Variants in TKTL1 observed in about 807,000 individuals in gnomAD.
TKTL1 encodes transketolase like 1.
Under a neutral mutation model 39.3 loss-of-function variants are expected in TKTL1, and 1 was observed. The observed-to-expected ratio is 0.03, with a 90% CI of 0.01 to 0.12. The LOEUF (loss-of-function observed/expected upper bound fraction) is 0.12. Among genes scored for constraint, TKTL1 ranks in the 10% least tolerant of loss-of-function variants. The pLI, the probability that TKTL1 is intolerant of heterozygous loss-of-function variation, is 1.00. For missense variants in TKTL1, 575 were observed against 509.6 expected, an observed-to-expected ratio of 1.13 and a Z score of -1.24; for synonymous variants, 262 against 193.8, an observed-to-expected ratio of 1.35 and a Z score of -2.92.
intron 2 of TKTL1, among the ~76,000 whole-genome samples, chrX:154,308,643 T>A (rs2067333014): frequency 1.8e-5 from 2 of 110,973 alleles, no homozygotes; most frequent in South Asian, 7.5e-4. Context: ...TCAGTATGCT[T>A]GCAAGTTGGG....
Position 154,315,219 on chromosome X carries a change from A to T in TKTL1, c.911A>T (p.Tyr304Phe). 5 of 1,211,778 alleles carry T rather than the reference A, an allele frequency of 4.1e-6. No homozygotes were observed. Among genetic ancestry groups the T allele is most frequent in the Non-Finnish European group, 4.5e-6 (4 of 895,451 alleles). The change falls in exon 7 of 13, where the codon TAC becomes TTC. Residue 304 changes from tyrosine to phenylalanine, a missense_variant. Physicochemically the swap from Tyr to Phe is conservative, Grantham distance 22 (BLOSUM62 3). Transcript: ENST00000369915. The stretch of plus-strand genomic sequence containing the variant: ...GGTCTGGCTCTGGCTAAGCTGGGCT[A>T]CGCGAACAACAGAGTCGTTGTGCTG... Reference protein sequence around the residue: ...ACGLALAKLGYANNRVVVLDG... With the variant: ...ACGLALAKLGFANNRVVVLDG...
chrX:154,300,125 C>T (rs2067262016), intron 1 of TKTL1, among the ~76,000 whole-genome samples: 1 of 109,131 alleles, frequency 9.2e-6, no homozygotes, highest in Non-Finnish European at 1.9e-5. Context: ...AAGCGATTCT[C>T]GTGCCTTAGC....
At chrX:154,318,512 A>G (rs1557169869) in intron 7 of TKTL1, among the ~76,000 whole-genome samples, 1 of 105,873 alleles carries the variant, frequency 9.4e-6, no homozygotes, top group Non-Finnish European at 1.9e-5. Context: ...ATCCTGGCTA[A>G]CATGGTGAAA....
chrX:154,317,608 G>C (rs184037451), intron 7 of TKTL1, among the ~76,000 whole-genome samples: 1 of 112,817 alleles, frequency 8.9e-6, no homozygotes, highest in African/African-American at 3.2e-5. Context: ...GAAAGCAACA[G>C]CCTGCGTTTT....
intron 3 of TKTL1, 118 bp downstream of exon 3, chrX:154,309,560 C>T: frequency 1.6e-6 from 1 of 629,360 alleles, no homozygotes; most frequent in Non-Finnish European, 2.5e-6. Context: ...CAGTCCCCAT[C>T]ACATCCCGTG....
chrX:154,324,950 G>A (rs1456617512), intron 9 of TKTL1, among the ~76,000 whole-genome samples: 2 of 112,237 alleles, frequency 1.8e-5, no homozygotes, highest in African/African-American at 3.2e-5. Flanking sequence ...TATTCAGATA[G>A]ATGTTTATGG....
At chrX:154,296,669 A>G (rs1557164639) in intron 1 of TKTL1, among the ~76,000 whole-genome samples, 1 of 111,053 alleles carries the variant, frequency 9.0e-6, no homozygotes, top group African/African-American at 3.3e-5. Flanking sequence ...TGGTTTTGGT[A>G]TCAAAGTGTA....
At chrX:154,304,551 A>G (rs1199110702) in intron 1 of TKTL1, among the ~76,000 whole-genome samples, 1 of 109,519 alleles carries the variant, frequency 9.1e-6, no homozygotes, top group Non-Finnish European at 1.9e-5. Flanking sequence ...AGCTATGATC[A>G]TGCCACTGCA....
intron 1 of TKTL1, among the ~76,000 whole-genome samples, chrX:154,296,887 G>A (rs972240225): frequency 3.2e-4 from 36 of 111,793 alleles, no homozygotes; most frequent in African/African-American, 9.8e-4. Context: ...GTGGTGGCAC[G>A]TGCCTGTAGT....
At chrX:154,319,632 G>T (rs185649336) in intron 7 of TKTL1, among the ~76,000 whole-genome samples, 1 of 110,477 alleles carries the variant, frequency 9.1e-6, no homozygotes, top group Non-Finnish European at 1.9e-5. Context: ...CCAGCTACTC[G>T]GGAGGCAGAG....
intron 1 of TKTL1, chrX:154,305,065 C>G: frequency 8.9e-6 from 10 of 1,125,435 alleles, no homozygotes; most frequent in Non-Finnish European, 1.2e-5. Context: ...GGAAACTTGC[C>G]CCGAGTCCAC....
intron 6 of TKTL1, among the ~76,000 whole-genome samples, chrX:154,314,844 A>G (rs1338243648): frequency 9.0e-6 from 1 of 110,781 alleles, no homozygotes; most frequent in African/African-American, 3.3e-5. Flanking sequence ...GAAAAATATA[A>G]TGAGAACCAT....
At chrX:154,322,229 C>CAA (rs34229834) in intron 8 of TKTL1, among the ~76,000 whole-genome samples, 453 of 41,714 alleles carry the variant, frequency 0.011, 10 homozygotes, top group Middle Eastern at 0.022. Flanking sequence ...GAGGCTTTGT[C>CAA]AAAAAAAAAA....
chrX:154,323,977 C>T (rs1224536645), intron 9 of TKTL1, among the ~76,000 whole-genome samples: 1 of 112,838 alleles, frequency 8.9e-6, no homozygotes, highest in Non-Finnish European at 1.9e-5. Flanking sequence ...CCTTGCCACC[C>T]TGGACCTCGC....
intron 1 of TKTL1, among the ~76,000 whole-genome samples, chrX:154,304,282 G>A (rs1202653378): frequency 1.8e-5 from 2 of 111,111 alleles, no homozygotes; most frequent in Admixed American, 9.5e-5. Context: ...GAGTGTGAAC[G>A]AGGGGTCCTG....
chrX:154,310,874 C>T lies in TKTL1; in HGVS notation c.389C>T (p.Ser130Leu), dbSNP rs1292282707. ...VFCLMSDGES[S>L]EGSVWEAMAF... ...TGCCTCATGAGTGATGGCGAGTCCT[C>T]AGAAGGCTCTGTCTGGGAGGCAATG... The change falls in exon 4 of 13, where the codon TCA becomes TTA. Residue 130 changes from serine to leucine, a missense_variant. Ser to Leu is a moderately radical substitution (Grantham distance 145). Coordinates refer to ENST00000369915, the MANE Select transcript of TKTL1 (RefSeq NM_012253.4). 5 of 1,210,148 alleles carry T rather than the reference C, an allele frequency of 4.1e-6. No homozygotes were observed. The African/African-American group carries it at 7.0e-5, about 17-fold the overall frequency.
At chrX:154,323,383 C>T (rs1557171310) in intron 9 of TKTL1, 46 bp downstream of exon 9, 1 of 1,190,099 alleles carries the variant, frequency 8.4e-7, no homozygotes, top group Admixed American at 2.2e-5. Context: ...TGCTTCTGGA[C>T]TCTGCTAGTT....
chrX:154,325,683 G>GCGGT (rs1279441583), intron 10 of TKTL1, among the ~76,000 whole-genome samples: 7 of 112,441 alleles, frequency 6.2e-5, no homozygotes, highest in Non-Finnish European at 1.3e-4. Flanking sequence ...AGCCACTTGA[G>GCGGT]CGGTCGTGGC....
In TKTL1 at chrX:154,309,418, C is replaced by G; in HGVS notation, c.326C>G (p.Thr109Ser). The G allele has an allele frequency of 1.7e-6, 2 of 1,210,029 alleles. No individual in the cohort carries two copies. The highest frequency in any genetic ancestry group is 2.2e-6 in the Non-Finnish European group (2 of 894,320). ...GLGVACGMAYTGKYFDRASYR... is the reference protein window; with the variant it reads ...GLGVACGMAYSGKYFDRASYR... ...GGAGTTGCATGTGGAATGGCATATA[C>G]TGGCAAGTACTTCGACAGGGCCAGG... is the stretch of plus-strand genomic sequence containing the variant. The change falls in exon 3 of 13, where the codon ACT (threonine) becomes AGT (serine). Residue 109 changes from threonine (T) to serine (S), a missense_variant. Transcript: ENST00000369915.
Sources: allele counts gnomAD v4.1 joint callset (sites outside exome capture counted in the v4.1 genomes callset), GRCh38; gene constraint gnomAD v4.1.1; transcripts MANE v1.5; gene names NCBI Gene and HGNC (gene_info 2026-07-23, HGNC 2026-07-21).